CACNA1C: variants seen among roughly 807,000 people sequenced by gnomAD.
CACNA1C encodes the protein calcium voltage-gated channel subunit alpha1 C, also known as voltage-dependent L-type calcium channel subunit alpha-1C.
CACNA1C carries 30 observed loss-of-function variants against 229.0 expected under a neutral mutation model. The observed-to-expected ratio is 0.13, with a 90% CI of 0.10 to 0.18. The LOEUF is 0.18. Among genes scored for constraint, CACNA1C ranks in the 10% least tolerant of loss-of-function variants. CACNA1C has a pLI of 1.00. For missense variants in CACNA1C, 1,658 were observed against 2,845.0 expected (o/e 0.58, Z 9.49); for synonymous variants, 1,114 against 1,132.5 (o/e 0.98, Z 0.33).
At chr12:2,103,197 A>C (rs2077051580) in intron 1 of CACNA1C, among the ~76,000 whole-genome samples, 1 of 152,172 alleles carries the variant, frequency 6.6e-6, no homozygotes, top group Non-Finnish European at 1.5e-5. Flanking sequence ...TTACACTCTC[A>C]CCAACAGTGT....
chr12:2,620,492 C>T (rs1207075266), intron 29 of CACNA1C, among the ~76,000 whole-genome samples: 1 of 152,212 alleles, frequency 6.6e-6, no homozygotes, highest in East Asian at 1.9e-4. Context: ...AGTCACCACC[C>T]TCTGGAATGG....
At chr12:2,380,137 A>G (rs984994037) in intron 3 of CACNA1C, among the ~76,000 whole-genome samples, 1 of 151,466 alleles carries the variant, frequency 6.6e-6, no homozygotes, top group Non-Finnish European at 1.5e-5. Context: ...CGTGTTCAAC[A>G]CTCTGCCCAA....
Position 2,695,562 on chromosome 12 carries a change from G to C in CACNA1C, c.*4363G>C, listed in dbSNP as rs114674355. The C allele has an allele frequency of 6.6e-6, 1 of 152,326 alleles. No individual in the cohort carries two copies. Among genetic ancestry groups the C allele is most frequent in the Admixed American group, 6.5e-5 (1 of 15,286 alleles). The allele number at this position is 152,326 out of a possible 1,614,324, so 9.4% of individuals were successfully genotyped here. On this transcript the variant is annotated 3_prime_UTR_variant, in exon 47 of 47. Coordinates refer to ENST00000399655, the MANE Select transcript of CACNA1C (RefSeq NM_000719.7). Reference sequence around the variant, plus strand: ...GAGGCTACGATTTGAGGAGGTTGAGGGGGAAGACAGGAGGGAAAGAAAAGT... The same window carrying C: ...GAGGCTACGATTTGAGGAGGTTGAGCGGGAAGACAGGAGGGAAAGAAAAGT...
intron 3 of CACNA1C, among the ~76,000 whole-genome samples, chr12:2,399,405 A>G (rs7301013): frequency 0.2 from 29,765 of 152,100 alleles, 3,483 homozygotes; most frequent in African/African-American, 0.32. Context: ...GGTGAATGCA[A>G]AGATTTTATT....
intron 3 of CACNA1C, among the ~76,000 whole-genome samples, chr12:2,146,689 C>A (rs890087146): frequency 1.9e-4 from 29 of 151,350 alleles, no homozygotes; most frequent in African/African-American, 7.0e-4. Context: ...TCCCATTCAG[C>A]TTTCTGCTCT....
At chr12:2,370,248 T>C (rs895658462) in intron 3 of CACNA1C, among the ~76,000 whole-genome samples, 1 of 152,100 alleles carries the variant, frequency 6.6e-6, no homozygotes, top group Non-Finnish European at 1.5e-5. Flanking sequence ...TCATATACTA[T>C]GATAGAAATA....
At chr12:2,342,669 T>C (rs1245080902) in intron 3 of CACNA1C, among the ~76,000 whole-genome samples, 2 of 152,256 alleles carry the variant, frequency 1.3e-5, no homozygotes, top group African/African-American at 4.8e-5. Context: ...ACAGAATGCA[T>C]TGAATTTACT....
At position 2,493,157 on chromosome 12, in the gene CACNA1C, C is replaced by T. The variant is rs369482406; in HGVS notation, c.917-33C>T. The T allele has an allele frequency of 1.0e-5, 16 of 1,584,486 alleles. No homozygotes were observed. Among genetic ancestry groups the T allele is most frequent in the Non-Finnish European group, 1.4e-5 (16 of 1,153,614 alleles). On this transcript the variant is annotated intron_variant, in intron 6 of 46. Coordinates refer to ENST00000399655, the MANE Select transcript of CACNA1C (RefSeq NM_000719.7). The surrounding 1 kb of genome is among the most constrained non-coding windows in gnomAD (Gnocchi z 4.6). ...TGCCCACATCTCTCCCTCCCTGCTG[C>T]TCCCGTCTCCTGTCTTCTTCTGGCC...
chr12:2,324,717 G>C (rs1417479870), intron 3 of CACNA1C, among the ~76,000 whole-genome samples: 3 of 151,752 alleles, frequency 2.0e-5, no homozygotes, highest in Non-Finnish European at 4.4e-5. Flanking sequence ...GAAATAAACA[G>C]GCCTCCATCA....
rs561039487 is a variant in CACNA1C at position 1,990,529 on chromosome 12, T to C, written c.139+19328T>C. ...TTTTGCTCTTCTACATTCATCCAAT[T>C]CAAGAAAGGGATTTTTTTTTTCTCT... On this transcript the variant is annotated intron_variant, in intron 1 of 46. Transcript: ENST00000682462. Among the ~76,000 whole-genome samples, 5 of 152,240 alleles carry C rather than the reference T, an allele frequency of 3.3e-5. No individual in the cohort carries two copies. The East Asian group carries it at 9.6e-4, about 29-fold the overall frequency.
At chr12:2,189,551 C>T (rs563106948) in intron 3 of CACNA1C, among the ~76,000 whole-genome samples, 281 of 152,196 alleles carry the variant, frequency 1.8e-3, no homozygotes, top group African/African-American at 6.4e-3. Flanking sequence ...CTGGCTGCTG[C>T]GCGAGATGAG....
chr12:2,687,671 C>A lies in CACNA1C; in HGVS notation c.5785-776C>A, dbSNP rs148748790. Among the ~76,000 whole-genome samples the A allele has an allele frequency of 4.4e-3, 676 of 152,174 alleles. 3 individuals carry two copies. Among genetic ancestry groups the A allele is most frequent in the African/African-American group, 0.016 (644 of 41,512 alleles). ...TCTCCTGCCTCAGCCTCCCAAGTAG[C>A]TGGGATTACAGGCATGCACCACCAT... On this transcript the variant is annotated intron_variant, in intron 45 of 46. Coordinates refer to ENST00000399655, the MANE Select transcript of CACNA1C (RefSeq NM_000719.7).
intron 4 of CACNA1C, among the ~76,000 whole-genome samples, chr12:2,450,365 T>TAA (rs958198952): frequency 4.6e-5 from 7 of 151,406 alleles, no homozygotes; most frequent in Non-Finnish European, 1.0e-4. Flanking sequence ...CCATCCTGGC[T>TAA]AACACGGTGA....
chr12:2,138,783 G>A (rs2093825040), intron 3 of CACNA1C, among the ~76,000 whole-genome samples: 1 of 151,038 alleles, frequency 6.6e-6, no homozygotes, highest in Admixed American at 6.7e-5. Flanking sequence ...GCAGAACCGT[G>A]AGCCAAATAC....
At chr12:2,327,982 A>G (rs765657422) in intron 3 of CACNA1C, among the ~76,000 whole-genome samples, 1 of 152,198 alleles carries the variant, frequency 6.6e-6, no homozygotes, top group Non-Finnish European at 1.5e-5. Context: ...AAAAGATGAG[A>G]TCATTTAATT....
At chr12:2,567,430 G>C in intron 12 of CACNA1C, 139 bp from the exon 13 acceptor site, 1 of 613,762 alleles carries the variant, frequency 1.6e-6, no homozygotes, top group South Asian at 2.0e-5. Flanking sequence ...CCCAACTTCT[G>C]TTCTGGCCGA....
intron 13 of CACNA1C, among the ~76,000 whole-genome samples, chr12:2,576,315 TG>T (rs1329427421): frequency 6.6e-6 from 1 of 152,052 alleles, no homozygotes; most frequent in Non-Finnish European, 1.5e-5. Flanking sequence ...GCAGAGTGTC[TG>T]GGGGGTGATC....
intron 3 of CACNA1C, among the ~76,000 whole-genome samples, chr12:2,207,900 T>C (rs899146140): frequency 6.6e-6 from 1 of 152,226 alleles, no homozygotes; most frequent in Non-Finnish European, 1.5e-5. Context: ...GAAAGTCTTA[T>C]TGATGTGTGC....
intron 43 of CACNA1C, 79 bp downstream of exon 43, chr12:2,682,757 C>CCCT: frequency 1.4e-6 from 2 of 1,454,816 alleles, no homozygotes; most frequent in Non-Finnish European, 1.9e-6. Flanking sequence ...TCCCTGAGAT[C>CCCT]CCTCCTCTGG....
Sources: gnomAD v4.1 joint callset for allele counts (sites outside exome capture counted in the v4.1 genomes callset) on GRCh38, gnomAD v4.1.1 for gene constraint, Gnocchi (gnomAD v3.1) non-coding constraint, MANE v1.5 for transcripts, NCBI Gene and HGNC (gene_info 2026-07-23, HGNC 2026-07-21) for gene names.